Variants in PATJ observed in about 807,000 individuals in gnomAD.
PATJ encodes inaD-like protein.
In PATJ, 190 loss-of-function variants were observed where a neutral mutation model predicts 224.9. The ratio of observed to expected loss-of-function variants is 0.84; its 90% CI spans 0.75 to 0.95. The LOEUF (loss-of-function observed/expected upper bound fraction) is 0.95, where lower values mean the gene tolerates loss of function less well. Ranked by LOEUF, PATJ falls within the 40% of genes least tolerant of loss-of-function variation. The probability of loss-of-function intolerance (pLI) is 0.00; values close to 1 mark genes in which losing one functional copy is unlikely to be tolerated. For synonymous variants in PATJ, 769 were observed against 820.3 expected, an observed-to-expected ratio of 0.94 and a Z score of 1.07; for missense variants, 2,121 against 2,270.3, an observed-to-expected ratio of 0.93 and a Z score of 1.34.
At chr1:61,867,102 T>C (rs1247339740) in intron 20 of PATJ, among the ~76,000 whole-genome samples, 1 of 152,220 alleles carries the variant, frequency 6.6e-6, no homozygotes, top group African/African-American at 2.4e-5. Context: ...CTGTATCTTG[T>C]GCCAACATCG....
At chr1:61,762,017 A>G (rs1645999793) in intron 1 of PATJ, among the ~76,000 whole-genome samples, 1 of 152,086 alleles carries the variant, frequency 6.6e-6, no homozygotes, top group Non-Finnish European at 1.5e-5. Context: ...AGATGCTGCT[A>G]TCTTCTGGGT....
At chr1:61,910,635 C>T (rs1034216639) in intron 25 of PATJ, among the ~76,000 whole-genome samples, 1 of 142,506 alleles carries the variant, frequency 7.0e-6, no homozygotes, top group African/African-American at 2.6e-5. Flanking sequence ...AAGCCCCGAT[C>T]TCCTTGGCTC....
At chr1:61,903,982 C>T (rs912237671) in intron 24 of PATJ, among the ~76,000 whole-genome samples, 1 of 152,092 alleles carries the variant, frequency 6.6e-6, no homozygotes. Context: ...CCATGTTGGT[C>T]AGGCTGATCT....
At chr1:61,869,990 C>T (rs1346692388) in intron 20 of PATJ, among the ~76,000 whole-genome samples, 1 of 152,230 alleles carries the variant, frequency 6.6e-6, no homozygotes, top group African/African-American at 2.4e-5. Context: ...TTAGCTCTGC[C>T]ATCTGCGGAC....
intron 39 of PATJ, among the ~76,000 whole-genome samples, chr1:62,125,917 G>A (rs892517549): frequency 6.6e-6 from 1 of 152,008 alleles, no homozygotes; most frequent in Non-Finnish European, 1.5e-5. Context: ...TTACAGGTGC[G>A]TGCCACCACA....
chr1:61,838,521 A>ATTTTTTT (rs34877280), intron 17 of PATJ, among the ~76,000 whole-genome samples: 13 of 115,572 alleles, frequency 1.1e-4, no homozygotes, highest in Admixed American at 1.8e-4. Context: ...CGCCTGGCTA[A>ATTTTTTT]TTTTTTTTTT....
intron 6 of PATJ, among the ~76,000 whole-genome samples, chr1:61,773,847 A>G (rs549076259): frequency 4.6e-5 from 7 of 151,752 alleles, no homozygotes; most frequent in Non-Finnish European, 8.8e-5. Flanking sequence ...ATGGCCGGGC[A>G]CTTTGGCTCA....
In PATJ at chr1:61,980,475, GT is replaced by G. The variant is rs1557983965; in HGVS notation, c.3671-9692del. On this transcript the variant is annotated intron_variant, in intron 27 of 43. Transcript: ENST00000642238. Reference sequence around the variant, plus strand: ...TGTGTGTGTGTGTGTGTGTGTGTGTGTGTGGTATGCATTTTCATATAGTAAA... The same window carrying G: ...TGTGTGTGTGTGTGTGTGTGTGTGTGGTGGTATGCATTTTCATATAGTAAA... Among the ~76,000 whole-genome samples, 498 of 133,684 alleles carry G rather than the reference GT, an allele frequency of 3.7e-3. 9 individuals are homozygous for G. Among genetic ancestry groups the G allele is most frequent in the East Asian group, 0.023 (91 of 4,026 alleles). The allele number at this position is 133,684 out of a possible 152,430, so 87.7% of individuals were successfully genotyped here.
chr1:62,050,931 G>T, intron 30 of PATJ, 35 bp from the exon 31 acceptor site: 2 of 1,495,886 alleles, frequency 1.3e-6, no homozygotes, highest in East Asian at 4.5e-5. Context: ...AGTGAAGAAT[G>T]ACATCTTTGC....
intron 28 of PATJ, among the ~76,000 whole-genome samples, chr1:61,997,535 A>G (rs947548746): frequency 6.6e-6 from 1 of 152,226 alleles, no homozygotes; most frequent in Admixed American, 6.5e-5. Context: ...AGGGTGCTGA[A>G]TAGGGAATTG....
intron 26 of PATJ, among the ~76,000 whole-genome samples, chr1:61,927,449 C>T (rs1557888063): frequency 6.6e-6 from 1 of 152,162 alleles, no homozygotes; most frequent in East Asian, 1.9e-4. Context: ...CTGACTGTCT[C>T]ACTAGAGAAA....
At chr1:61,852,934 T>C (rs576395679) in intron 17 of PATJ, among the ~76,000 whole-genome samples, 2 of 152,212 alleles carry the variant, frequency 1.3e-5, no homozygotes, top group East Asian at 3.9e-4. Context: ...GGCAGAAAAG[T>C]CATCATAAAA....
intron 17 of PATJ, among the ~76,000 whole-genome samples, chr1:61,834,178 T>A (rs1659804269): frequency 6.6e-6 from 1 of 151,930 alleles, no homozygotes; most frequent in Admixed American, 6.6e-5. Flanking sequence ...ATCACCACAC[T>A]CTAATTTTAG....
intron 31 of PATJ, chr1:62,072,349 C>T (rs529545011): frequency 1.3e-5 from 2 of 151,796 alleles, no homozygotes; most frequent in Non-Finnish European, 2.9e-5. Flanking sequence ...GGAAAAAACT[C>T]TAGTTCAGGA....
chr1:61,996,605 C>T (rs1645369309), intron 28 of PATJ, among the ~76,000 whole-genome samples: 1 of 151,862 alleles, frequency 6.6e-6, no homozygotes, highest in Non-Finnish European at 1.5e-5. Context: ...CCTCAGAGAC[C>T]TCATGTAATA....
intron 28 of PATJ, among the ~76,000 whole-genome samples, chr1:62,013,785 T>G (rs76698329): frequency 6.6e-6 from 1 of 152,128 alleles, no homozygotes; most frequent in Non-Finnish European, 1.5e-5. Flanking sequence ...CGTCATTTGT[T>G]TTTTTTGAGA....
chr1:62,054,360 G>A (rs1441415601), intron 31 of PATJ: 1 of 438,200 alleles, frequency 2.3e-6, no homozygotes, highest in South Asian at 1.7e-5. Flanking sequence ...GAAACCCTGT[G>A]TCCAAAAAAA....
intron 13 of PATJ, among the ~76,000 whole-genome samples, 156 bp downstream of exon 13, chr1:61,805,680 C>G (rs959023302): frequency 6.6e-5 from 10 of 151,848 alleles, no homozygotes; most frequent in Non-Finnish European, 1.5e-4. Context: ...CGATTTTTTT[C>G]CCCCCATCTT....
At chr1:61,945,288 G>C (rs1678500673) in intron 27 of PATJ, among the ~76,000 whole-genome samples, 1 of 152,104 alleles carries the variant, frequency 6.6e-6, no homozygotes, top group Non-Finnish European at 1.5e-5. Context: ...TAGCAAATTG[G>C]ATAAAGAGTC....
Sources: allele counts gnomAD v4.1 joint callset (sites outside exome capture counted in the v4.1 genomes callset), GRCh38; gene constraint gnomAD v4.1.1; transcripts MANE v1.5; gene names NCBI Gene and HGNC (gene_info 2026-07-23, HGNC 2026-07-21).